The following PPP2R2B variants were observed in gnomAD, a reference collection of about 807,000 sequenced individuals.
PPP2R2B encodes the protein protein phosphatase 2 regulatory subunit Bbeta, also known as serine/threonine-protein phosphatase 2A 55 kDa regulatory subunit B beta isoform.
A neutral mutation model predicts 46.0 loss-of-function variants in PPP2R2B; 5 were observed. The observed-to-expected ratio is 0.11, with a 90% CI of 0.06 to 0.23. The LOEUF (loss-of-function observed/expected upper bound fraction) is 0.23. Among genes scored for constraint, PPP2R2B ranks in the 10% least tolerant of loss-of-function variants. PPP2R2B has a pLI of 1.00. For synonymous variants in PPP2R2B, 215 were observed against 206.7 expected (o/e 1.04, Z -0.34); for missense variants, 367 against 575.0 (o/e 0.64, Z 3.70).
intron 1 of PPP2R2B, among the ~76,000 whole-genome samples, chr5:147,004,977 G>A (rs1268554548): frequency 6.6e-6 from 1 of 152,088 alleles, no homozygotes; most frequent in East Asian, 1.9e-4. Flanking sequence ...CTTACTGTCT[G>A]GACTACTCAT....
At chr5:146,661,004 C>T (rs1261283639) in intron 5 of PPP2R2B, among the ~76,000 whole-genome samples, 1 of 152,132 alleles carries the variant, frequency 6.6e-6, no homozygotes, top group East Asian at 1.9e-4. Context: ...GAAATAGGGG[C>T]TCTAACTTAG....
chr5:147,015,499 T>C (rs1399734994), intron 1 of PPP2R2B, among the ~76,000 whole-genome samples: 1 of 151,614 alleles, frequency 6.6e-6, no homozygotes, highest in African/African-American at 2.4e-5. Context: ...CATATTTCAA[T>C]GCCTAAATCA....
At chr5:146,705,174 C>A (rs1404785360) in intron 2 of PPP2R2B, among the ~76,000 whole-genome samples, 1 of 152,154 alleles carries the variant, frequency 6.6e-6, no homozygotes, top group African/African-American at 2.4e-5. Context: ...AATGTTTTAT[C>A]TTTCATCTAA....
chr5:146,793,078 T>C (rs2151296376), intron 2 of PPP2R2B, among the ~76,000 whole-genome samples: 1 of 152,176 alleles, frequency 6.6e-6, no homozygotes, highest in South Asian at 2.1e-4. Context: ...GCAGTGGAAG[T>C]GATGAAAAAA....
chr5:146,799,032 AT>A (rs1265774812), intron 2 of PPP2R2B, among the ~76,000 whole-genome samples: 2 of 152,110 alleles, frequency 1.3e-5, no homozygotes, highest in African/African-American at 4.8e-5. Flanking sequence ...TGACTTTTTA[AT>A]TTCTGTAGAA....
chr5:146,871,576 A>G (rs762337432), intron 2 of PPP2R2B, among the ~76,000 whole-genome samples: 22 of 152,246 alleles, frequency 1.4e-4, no homozygotes, highest in Admixed American at 6.5e-5. Context: ...CGTAGAATTC[A>G]GCTTCCTCCC....
At chr5:146,998,129 G>C (rs1315389081) in intron 1 of PPP2R2B, among the ~76,000 whole-genome samples, 2 of 152,122 alleles carry the variant, frequency 1.3e-5, no homozygotes, top group Admixed American at 6.5e-5. Context: ...CCATACAAAG[G>C]CCACAGGGAA....
At chr5:146,875,478 T>G (rs1049636431) in intron 2 of PPP2R2B, among the ~76,000 whole-genome samples, 35 of 152,204 alleles carry the variant, frequency 2.3e-4, no homozygotes, top group African/African-American at 8.0e-4. Flanking sequence ...TGAACTTGCC[T>G]GCAGTCACCA....
rs146046188 is a variant in PPP2R2B, at chr5:147,020,663, T to G, written c.79+35002A>C. Among the ~76,000 whole-genome samples, 1,126 of 152,216 alleles carry G rather than the reference T, an allele frequency of 7.4e-3. 8 individuals are homozygous for G. The highest frequency in any genetic ancestry group is 0.024 in the Middle Eastern group (7 of 294). On this transcript the variant is annotated intron_variant, in intron 1 of 8. Coordinates refer to the PPP2R2B transcript ENST00000336640. ...CTGCTTATAGGGTTTTGATAGAGAT[T>G]GACAGAGAAGGTATATTCAATACTG...
intron 7 of PPP2R2B, among the ~76,000 whole-genome samples, chr5:146,615,515 T>TAAAAAAAAAA (rs1364774106): frequency 2.8e-5 from 2 of 71,024 alleles, no homozygotes; most frequent in African/African-American, 9.2e-5. Context: ...AAAAAAAAAT[T>TAAAAAAAAAA]AAAAAAAAAA....
At chr5:146,785,116 ATAAACCCTCAACCT>A (rs1755753488) in intron 2 of PPP2R2B, among the ~76,000 whole-genome samples, 2 of 152,244 alleles carry the variant, frequency 1.3e-5, no homozygotes, top group Non-Finnish European at 2.9e-5. Flanking sequence ...AACTCATTGA[ATAAACCCTCAACCT>A]TAATAGTGGT....
intron 2 of PPP2R2B, among the ~76,000 whole-genome samples, chr5:146,876,670 T>C (rs1315781468): frequency 6.6e-6 from 1 of 152,228 alleles, no homozygotes; most frequent in Admixed American, 6.5e-5. Flanking sequence ...AAAAGCCATC[T>C]CTAAGCTCCT....
intron 2 of PPP2R2B, among the ~76,000 whole-genome samples, chr5:146,791,971 T>C (rs1486326878): frequency 6.6e-6 from 1 of 152,170 alleles, no homozygotes; most frequent in Admixed American, 6.5e-5. Context: ...AGGGAATAGA[T>C]TTAGGGATAA....
rs577420427 is a variant in PPP2R2B, at chr5:146,707,566, C to A, written c.71-6424G>T. The stretch of plus-strand genomic sequence containing the variant: ...AGAAGGCCCGGGTGCCAGAGGTGGA[C>A]ACCTTGTAGGACTTCTGCACCCTGA... On this transcript the variant is annotated intron_variant, in intron 2 of 9. Coordinates refer to ENST00000394411, the MANE Select transcript of PPP2R2B (RefSeq NM_181675.4). 1.1e-3 allele frequency: 804 copies of A among 711,176 alleles called. 2 individuals are homozygous for A. Among genetic ancestry groups the A allele is most frequent in the Middle Eastern group, 2.1e-3 (8 of 3,738 alleles). The allele number at this position is 711,176 out of a possible 1,614,324, so 44.1% of individuals were successfully genotyped here.
chr5:146,838,405 C>T lies in PPP2R2B; in HGVS notation c.70+39597G>A, dbSNP rs1310065377. Among the ~76,000 whole-genome samples the T allele has an allele frequency of 2.6e-5, 4 of 151,860 alleles. No individual in the cohort carries two copies. In the East Asian group the frequency reaches 5.9e-4, roughly 22 times the overall value. On this transcript the variant is annotated intron_variant, in intron 2 of 9. Coordinates refer to ENST00000394411, the MANE Select transcript of PPP2R2B (RefSeq NM_181675.4). The stretch of plus-strand genomic sequence containing the variant: ...TGGCCAACATGGTGGATCCCTGTCT[C>T]TACTAAAAATACAAAATTAGCTGGG...
intron 3 of PPP2R2B, among the ~76,000 whole-genome samples, 170 bp from the exon 4 acceptor site, chr5:146,698,314 A>AT: frequency 1.1e-5 from 1 of 88,800 alleles, no homozygotes; most frequent in African/African-American, 5.3e-5. Flanking sequence ...AAAAAAAAAA[A>AT]AAAATATATA....
intron 4 of PPP2R2B, 148 bp from the exon 5 acceptor site, chr5:146,691,388 T>C (rs896708584): frequency 6.5e-6 from 4 of 612,918 alleles, no homozygotes; most frequent in East Asian, 5.6e-5. Flanking sequence ...CGTGCATAAA[T>C]CCCATGTCAT....
At chr5:146,902,595 C>G (rs1454866597) in intron 1 of PPP2R2B, among the ~76,000 whole-genome samples, 1 of 152,188 alleles carries the variant, frequency 6.6e-6, no homozygotes, top group Non-Finnish European at 1.5e-5. Flanking sequence ...TTAAAGTGCT[C>G]TTAACTGGTT....
intron 2 of PPP2R2B, among the ~76,000 whole-genome samples, chr5:146,850,862 C>T (rs879776773): frequency 6.6e-6 from 1 of 152,072 alleles, no homozygotes; most frequent in Non-Finnish European, 1.5e-5. Context: ...CCAATAAACA[C>T]CTATCAAGTA....
Sources: gnomAD v4.1 joint callset for allele counts (sites outside exome capture counted in the v4.1 genomes callset) on GRCh38, gnomAD v4.1.1 for gene constraint, MANE v1.5 for transcripts, NCBI Gene and HGNC (gene_info 2026-07-23, HGNC 2026-07-21) for gene names.